BCAS3: variants seen among roughly 807,000 people sequenced by gnomAD.
BCAS3 encodes the protein BCAS4/BCAS3 fusion.
BCAS3 carries 53 observed loss-of-function variants against 116.1 expected under a neutral mutation model. The observed-to-expected ratio is 0.46, with a 90% CI of 0.37 to 0.57. BCAS3 has a LOEUF of 0.57. Among genes scored for constraint, BCAS3 ranks in the 20% least tolerant of loss-of-function variants. The pLI is 0.00. For synonymous variants in BCAS3, 391 were observed against 408.2 expected (o/e 0.96, Z 0.51); for missense variants, 917 against 1,165.4 (o/e 0.79, Z 3.10).
At chr17:60,731,590 T>G (rs1377861518) in intron 5 of BCAS3, among the ~76,000 whole-genome samples, 1 of 152,222 alleles carries the variant, frequency 6.6e-6, no homozygotes, top group Non-Finnish European at 1.5e-5. Flanking sequence ...TTCTCTAATC[T>G]GTATATTTTT....
At chr17:61,232,879 G>A (rs1488217134) in intron 22 of BCAS3, among the ~76,000 whole-genome samples, 1 of 152,074 alleles carries the variant, frequency 6.6e-6, no homozygotes, top group African/African-American at 2.4e-5. Flanking sequence ...TATTTAGCAG[G>A]CTACTGCATT....
chr17:60,979,672 C>T (rs1373630800), intron 14 of BCAS3, among the ~76,000 whole-genome samples: 1 of 151,452 alleles, frequency 6.6e-6, no homozygotes. Flanking sequence ...TACGTCCCAT[C>T]AATACCTAAC....
rs1360491063 is a variant in BCAS3 at position 61,171,628 on chromosome 17, T to C, written c.2425+87064T>C. The stretch of plus-strand genomic sequence containing the variant: ...TGATATATTATGCTAATACTAATTT[T>C]ATTTTATTTTTTTTTTGAAACAGCG... On this transcript the variant is annotated intron_variant, in intron 22 of 23. Coordinates refer to ENST00000407086, the MANE Select transcript of BCAS3 (RefSeq NM_017679.5). The surrounding 1 kb of genome is among the most constrained non-coding windows in gnomAD (Gnocchi z 4.1). Among the ~76,000 whole-genome samples, 1 of 152,080 alleles carries C rather than the reference T, an allele frequency of 6.6e-6. No homozygotes were observed. The highest frequency in any genetic ancestry group is 1.5e-5 in the Non-Finnish European group (1 of 68,018).
At chr17:60,755,840 G>A (rs1000623278) in intron 6 of BCAS3, among the ~76,000 whole-genome samples, 13 of 151,526 alleles carry the variant, frequency 8.6e-5, no homozygotes, top group Admixed American at 5.9e-4. Flanking sequence ...CATGTTATGC[G>A]GTACTTGTGA....
chr17:61,031,200 T>C (rs905081032), intron 16 of BCAS3, among the ~76,000 whole-genome samples: 2 of 152,008 alleles, frequency 1.3e-5, no homozygotes, highest in African/African-American at 2.4e-5. Context: ...AAGGTTAGCA[T>C]TGGAGTGCTT....
intron 16 of BCAS3, among the ~76,000 whole-genome samples, chr17:61,025,786 CT>C (rs908888724): frequency 6.6e-6 from 1 of 152,030 alleles, no homozygotes; most frequent in African/African-American, 2.4e-5. Flanking sequence ...TCTTGCGTGT[CT>C]CTGTTCCTTT....
At chr17:61,225,409 G>T (rs2082322329) in intron 22 of BCAS3, among the ~76,000 whole-genome samples, 1 of 152,076 alleles carries the variant, frequency 6.6e-6, no homozygotes, top group Admixed American at 6.6e-5. Flanking sequence ...TCATGAACTT[G>T]TACACTTCCC....
At chr17:60,955,124 T>G (rs531448293) in intron 14 of BCAS3, among the ~76,000 whole-genome samples, 4 of 152,288 alleles carry the variant, frequency 2.6e-5, no homozygotes, top group Non-Finnish European at 4.4e-5. Context: ...AAATTGTACC[T>G]CATTGATTTT....
chr17:60,851,380 G>C, intron 7 of BCAS3: 2 of 367,978 alleles, frequency 5.4e-6, no homozygotes, highest in Middle Eastern at 5.1e-4. Context: ...CCCGCCACCA[G>C]GATGCCCGAG....
chr17:60,976,973 G>A (rs1390729582), intron 14 of BCAS3, among the ~76,000 whole-genome samples: 1 of 152,104 alleles, frequency 6.6e-6, no homozygotes, highest in Non-Finnish European at 1.5e-5. Flanking sequence ...AGACGGGGTG[G>A]TGGCCGGACA....
chr17:60,778,431 A>G (rs1006315076), intron 6 of BCAS3, among the ~76,000 whole-genome samples: 1 of 152,190 alleles, frequency 6.6e-6, no homozygotes, highest in Admixed American at 6.6e-5. Context: ...CAAAATTTTA[A>G]ATTAATAAAA....
chr17:60,698,986 A>G (rs1199567817), intron 4 of BCAS3, among the ~76,000 whole-genome samples: 1 of 152,152 alleles, frequency 6.6e-6, no homozygotes, highest in African/African-American at 2.4e-5. Context: ...TGAACCTGGG[A>G]GGCAGAGGTT....
rs2081428061 is a variant in BCAS3 at position 61,211,029 on chromosome 17, A to G, written c.2425+126465A>G. The stretch of plus-strand genomic sequence containing the variant: ...AAAGGCTTCCCTAAGCTAGGGTCCC[A>G]TAGTCTTCCCCAAGCTAGGGTCCCA... On this transcript the variant is annotated intron_variant, in intron 22 of 23. Coordinates refer to ENST00000407086, the MANE Select transcript of BCAS3 (RefSeq NM_017679.5). This position sits in a 1 kb window ranked among gnomAD's most constrained non-coding sequence, Gnocchi z 4.4. Among the ~76,000 whole-genome samples, 2 of 152,076 alleles carry G rather than the reference A, an allele frequency of 1.3e-5. No homozygotes were observed. Among genetic ancestry groups the G allele is most frequent in the South Asian group, 4.2e-4 (2 of 4,798 alleles).
intron 2 of BCAS3, among the ~76,000 whole-genome samples, chr17:60,681,010 C>T (rs1480914799): frequency 6.6e-6 from 1 of 152,076 alleles, no homozygotes; most frequent in Non-Finnish European, 1.5e-5. Flanking sequence ...TTGACACCAG[C>T]CTGAACAACA....
At chr17:60,753,834 T>C (rs1057261941) in intron 6 of BCAS3, among the ~76,000 whole-genome samples, 2 of 117,478 alleles carry the variant, frequency 1.7e-5, no homozygotes, top group African/African-American at 7.4e-5. Flanking sequence ...TCTGTTACTA[T>C]AATCTTAGCT....
chr17:61,070,157 T>A, intron 19 of BCAS3: 1 of 1,559,464 alleles, frequency 6.4e-7, no homozygotes, highest in Non-Finnish European at 8.7e-7. Context: ...AACAACACAC[T>A]TGTGTTCCTT....
In BCAS3 at chr17:61,325,931, T is replaced by C. The variant is rs370418586; in HGVS notation, c.2426-42396T>C. ...CAGATTAAATCTGGCTAATATATAC[T>C]GCAGGGAAGCCTCGGCAGAGAACAG... On this transcript the variant is annotated intron_variant, in intron 22 of 23. Coordinates refer to ENST00000407086, the MANE Select transcript of BCAS3 (RefSeq NM_017679.5). The surrounding 1 kb of genome is among the most constrained non-coding windows in gnomAD (Gnocchi z 6.4). Among the ~76,000 whole-genome samples, 1 of 152,210 alleles carries C rather than the reference T, an allele frequency of 6.6e-6. No individual in the cohort carries two copies. Among genetic ancestry groups the C allele is most frequent in the African/African-American group, 2.4e-5 (1 of 41,458 alleles).
intron 7 of BCAS3, chr17:60,851,726 A>G: frequency 1.1e-6 from 1 of 878,652 alleles, no homozygotes; most frequent in Non-Finnish European, 1.9e-6. Flanking sequence ...GCAGGAGAGA[A>G]AGAAGCCAAG....
chr17:60,863,566 G>T (rs1326981172), intron 7 of BCAS3, among the ~76,000 whole-genome samples: 1 of 151,788 alleles, frequency 6.6e-6, no homozygotes, highest in Admixed American at 6.6e-5. Flanking sequence ...GGGCAACAAA[G>T]CAAGGCACTG....
Sources: gnomAD v4.1 joint callset for allele counts (sites outside exome capture counted in the v4.1 genomes callset) on GRCh38, gnomAD v4.1.1 for gene constraint, Gnocchi (gnomAD v3.1) non-coding constraint, MANE v1.5 for transcripts, NCBI Gene and HGNC (gene_info 2026-07-23, HGNC 2026-07-21) for gene names.